Variants in ZNF740 observed in about 807,000 individuals in gnomAD.
The protein encoded by ZNF740 is zinc finger protein 740.
In ZNF740, 14 loss-of-function variants were observed where a neutral mutation model predicts 24.8. That is an observed-to-expected ratio of 0.56 (90% CI 0.37 to 0.88). ZNF740 has a LOEUF of 0.88. Among genes scored for constraint, ZNF740 ranks in the 40% least tolerant of loss-of-function variants. The pLI is 0.00. For missense variants in ZNF740, 201 were observed against 247.9 expected, an observed-to-expected ratio of 0.81 and a Z score of 1.27; for synonymous variants, 69 against 84.0, an observed-to-expected ratio of 0.82 and a Z score of 0.98.
rs752378256 is a variant in ZNF740, at chr12:53,191,896, C to T, written c.*4306C>T. On this transcript the variant is annotated 3_prime_UTR_variant, in exon 7 of 7. Coordinates refer to ENST00000416904, the MANE Select transcript of ZNF740 (RefSeq NM_001004304.4). ...GAGTTGTTGCTGCTCCTTCTCAAAG[C>T]GACTGTATTCCCGGCGGTCATAGAT... 9 of 1,612,966 alleles carry T rather than the reference C, an allele frequency of 5.6e-6. No individual in the cohort carries two copies. Among genetic ancestry groups the T allele is most frequent in the South Asian group, 2.2e-5 (2 of 91,070 alleles).
rs551444653 is a variant in ZNF740 at position 53,180,972 on chromosome 12, C to A, written c.-308+135C>A. On this transcript the variant is annotated intron_variant, in intron 1 of 6. Coordinates refer to ENST00000416904, the MANE Select transcript of ZNF740 (RefSeq NM_001004304.4). ...GCGCGTGGCGAAGGGAGGGGGATCTCCGGGGGAGGGAGGGGAAAGGCCGTG... is the reference window on the plus strand; with the variant it reads ...GCGCGTGGCGAAGGGAGGGGGATCTACGGGGGAGGGAGGGGAAAGGCCGTG... 5,128 of 635,060 alleles carry A rather than the reference C, an allele frequency of 8.1e-3. 70 individuals carry two copies. The highest frequency in any genetic ancestry group is 0.012 in the Admixed American group (186 of 15,552). 39.3% of individuals were successfully genotyped at this position (635,060 alleles called of 1,614,324 possible).
intron 5 of ZNF740, 71 bp downstream of exon 5, chr12:53,186,148 C>T (rs1941816556): frequency 6.4e-7 from 1 of 1,553,658 alleles, no homozygotes; most frequent in African/African-American, 1.4e-5. Context: ...GTTTGTGGCT[C>T]TAGTTGGGTT....
In ZNF740 at chr12:53,181,812, G is replaced by C. The variant is rs114623004; in HGVS notation, c.-172G>C. On this transcript the variant is annotated 5_prime_UTR_variant, in exon 2 of 7. Coordinates refer to ENST00000416904, the MANE Select transcript of ZNF740 (RefSeq NM_001004304.4). The stretch of plus-strand genomic sequence containing the variant: ...TTCTTGGAACACCTATCTTTTCTTC[G>C]GAGGACACTAAGTTCTATTTGAAGA... 1.3e-6 allele frequency: 1 copy of C among 790,446 alleles called. No homozygotes were observed. Among genetic ancestry groups the C allele is most frequent in the Non-Finnish European group, 2.0e-6 (1 of 501,512 alleles). The allele number at this position is 790,446 out of a possible 1,614,324, so 49.0% of individuals were successfully genotyped here.
At position 53,189,780 on chromosome 12, in the gene ZNF740, T is replaced by A. The variant is rs1404529015; in HGVS notation, c.*2190T>A. On this transcript the variant is annotated 3_prime_UTR_variant, in exon 7 of 7. Transcript: ENST00000416904. ...TCCTGTCCTTCACTTCTGGGATGAT[T>A]CACCCCACATCTTCCAGTACCCTGT... is the stretch of plus-strand genomic sequence containing the variant. 3.3e-5 allele frequency: 5 copies of A among 152,312 alleles called. No homozygotes were observed. The East Asian group carries it at 9.6e-4, about 29-fold the overall frequency. The allele number at this position is 152,312 out of a possible 1,614,324, so 9.4% of individuals were successfully genotyped here.
Position 53,181,508 on chromosome 12 carries a change from G to A in ZNF740, c.-307-169G>A, listed in dbSNP as rs35468134. 3,062 of 985,048 alleles carry A rather than the reference G, an allele frequency of 3.1e-3. 9 individuals carry two copies. The highest frequency in any genetic ancestry group is 3.4e-3 in the Non-Finnish European group (2,843 of 829,686). 61.0% of individuals were successfully genotyped at this position (985,048 alleles called of 1,614,324 possible). A position where few individuals can be genotyped will look rare whatever the true frequency, so the allele number is the denominator to read the frequency against. On this transcript the variant is annotated intron_variant, in intron 1 of 6. Coordinates refer to ENST00000416904, the MANE Select transcript of ZNF740 (RefSeq NM_001004304.4). ...TTGCTCCTGTTGGCTTCCACTCCTT[G>A]CCCAGGAGACCAGTTCCTCCTATTG...
At chr12:53,185,608 C>G in intron 4 of ZNF740, 132 bp downstream of exon 4, 1 of 818,670 alleles carries the variant, frequency 1.2e-6, no homozygotes, top group Non-Finnish European at 1.9e-6. Flanking sequence ...AGTGAGTCCC[C>G]CAGATTTCAT....
At position 53,187,481 on chromosome 12, in the gene ZNF740, A is replaced by G; in HGVS notation, c.493-20A>G. The G allele has an allele frequency of 6.2e-7, 1 of 1,611,118 alleles. No individual in the cohort carries two copies. Among genetic ancestry groups the G allele is most frequent in the Non-Finnish European group, 8.5e-7 (1 of 1,177,470 alleles). ...GCTGCGTTTGTCTGCTCAGGCACTTAACCCTCCCTTTCTTCTCAGTGTTTT... is the reference window on the plus strand; with the variant it reads ...GCTGCGTTTGTCTGCTCAGGCACTTGACCCTCCCTTTCTTCTCAGTGTTTT... On this transcript the variant is annotated intron_variant, in intron 6 of 6. Coordinates refer to ENST00000416904, the MANE Select transcript of ZNF740 (RefSeq NM_001004304.4).
rs926770238 is a variant in ZNF740, at chr12:53,191,969, C to G, written c.*4379C>G. 16 of 1,612,402 alleles carry G rather than the reference C, an allele frequency of 9.9e-6. No individual in the cohort carries two copies. Among genetic ancestry groups the G allele is most frequent in the Non-Finnish European group, 1.3e-5 (15 of 1,179,990 alleles). On this transcript the variant is annotated 3_prime_UTR_variant, in exon 7 of 7. Coordinates refer to ENST00000416904, the MANE Select transcript of ZNF740 (RefSeq NM_001004304.4). Reference sequence around the variant, plus strand: ...AGGACCAGCCCCAGCCCCACTGCCACGATGCCCCCTACGCAGCCCAGCACA... The same window carrying G: ...AGGACCAGCCCCAGCCCCACTGCCAGGATGCCCCCTACGCAGCCCAGCACA...
At position 53,193,204 on chromosome 12, in the gene ZNF740, G is replaced by T; in HGVS notation, c.*5614G>T. The T allele has an allele frequency of 6.2e-7, 1 of 1,614,116 alleles. No homozygotes were observed. Among genetic ancestry groups the T allele is most frequent in the Non-Finnish European group, 8.5e-7 (1 of 1,180,016 alleles). On this transcript the variant is annotated 3_prime_UTR_variant, in exon 7 of 7. Transcript: ENST00000416904. ...CGTCACACTCGCACAGATGCCCAGA[G>T]CTCTGTCCACTGCAGCTGCAGCGTC...
Position 53,181,819 on chromosome 12 carries a change from A to G in ZNF740, c.-165A>G, listed in dbSNP as rs1941655984. 2.4e-6 allele frequency: 2 copies of G among 842,156 alleles called. No individual in the cohort carries two copies. The highest frequency in any genetic ancestry group is 3.7e-6 in the Non-Finnish European group (2 of 540,804). The allele number at this position is 842,156 out of a possible 1,614,324, so 52.2% of individuals were successfully genotyped here. A position where few individuals can be genotyped will look rare whatever the true frequency, so the allele number is the denominator to read the frequency against. ...AACACCTATCTTTTCTTCGGAGGAC[A>G]CTAAGTTCTATTTGAAGACAAAGTT... On this transcript the variant is annotated 5_prime_UTR_variant, in exon 2 of 7. Transcript: ENST00000416904.
At chr12:53,182,099 C>G in intron 2 of ZNF740, 107 bp downstream of exon 2, 1 of 1,475,008 alleles carries the variant, frequency 6.8e-7, no homozygotes, top group Non-Finnish European at 9.3e-7. Flanking sequence ...GTGATCCAAG[C>G]TCTGTATTAA....
chr12:53,183,281 A>G (rs773885307), intron 2 of ZNF740, among the ~76,000 whole-genome samples: 32 of 152,230 alleles, frequency 2.1e-4, no homozygotes, highest in Admixed American at 5.2e-4. Context: ...GCATTATGAC[A>G]GGCATTTTTC....
chr12:53,181,371 A>T (rs1941622000), intron 1 of ZNF740: 1 of 985,286 alleles, frequency 1.0e-6, no homozygotes, highest in African/African-American at 1.7e-5. Flanking sequence ...GGGCCGGCCC[A>T]CTGGGCACAA....
chr12:53,181,752 C>A lies in ZNF740; in HGVS notation c.-232C>A. On this transcript the variant is annotated 5_prime_UTR_variant, in exon 2 of 7. Coordinates refer to ENST00000416904, the MANE Select transcript of ZNF740 (RefSeq NM_001004304.4). ...AAGACTGGTAGACTCTCTTTTTCTT[C>A]AGACAATAGGCAGGAGCCAGGCAGA... 1.8e-6 allele frequency: 1 copy of A among 570,944 alleles called. No individual in the cohort carries two copies. Among genetic ancestry groups the A allele is most frequent in the Non-Finnish European group, 3.0e-6 (1 of 338,858 alleles). The allele number at this position is 570,944 out of a possible 1,614,324, so 35.4% of individuals were successfully genotyped here.
rs754266020 is a variant in ZNF740 at position 53,186,019 on chromosome 12, C to T, written c.315C>T (p.His105=). 8 of 1,613,834 alleles carry T rather than the reference C, an allele frequency of 5.0e-6. No homozygotes were observed. The South Asian group carries it at 7.7e-5, about 16-fold the overall frequency. ...VKIPKNFVCE[H]CFGAFRSSYH... ...TTCCCAAAAATTTTGTTTGTGAACA[C>T]TGCTTTGGAGCCTTTCGGAGCAGTT... Residue 105 remains histidine (H), a synonymous_variant, in exon 5 of 7, where the codon CAC becomes CAT. Transcript: ENST00000416904.
In ZNF740 at chr12:53,192,060, A is replaced by G. The variant is rs1941974197; in HGVS notation, c.*4470A>G. 2 of 1,596,596 alleles carry G rather than the reference A, an allele frequency of 1.3e-6. No homozygotes were observed. The highest frequency in any genetic ancestry group is 1.1e-5 in the South Asian group (1 of 90,062). ...CAGACACACTTGTGGGAGCTGGAGC[A>G]TAGGGACAGATCATCAGTTGCTCAC... is the stretch of plus-strand genomic sequence containing the variant. On this transcript the variant is annotated 3_prime_UTR_variant, in exon 7 of 7. Transcript: ENST00000416904.
rs1429644455 is a variant in ZNF740, at chr12:53,191,460, C to T, written c.*3870C>T. The T allele has an allele frequency of 1.7e-5, 16 of 962,800 alleles. No individual in the cohort carries two copies. The highest frequency in any genetic ancestry group is 2.5e-5 in the Non-Finnish European group (15 of 589,952). 59.6% of individuals were successfully genotyped at this position (962,800 alleles called of 1,614,324 possible). On this transcript the variant is annotated 3_prime_UTR_variant, in exon 7 of 7. Transcript: ENST00000416904. ...GGCCGCACCTCGCCAGTGAATTAGT[C>T]CCCTACCAAGGTCTTACAGACCCAC...
In ZNF740 at chr12:53,185,949, C is replaced by T. The variant is rs1245376784; in HGVS notation, c.250-5C>T. 1 of 1,613,452 alleles carries T rather than the reference C, an allele frequency of 6.2e-7. No individual in the cohort carries two copies. On this transcript the variant is annotated splice_polypyrimidine_tract_variant and splice_region_variant and intron_variant, in intron 4 of 6. Transcript: ENST00000416904. ...CCTCATGACATGCCTGATTATTGCC[C>T]CCAGGTGGTGGTAGTGGAACAAAAT... is the stretch of plus-strand genomic sequence containing the variant.
Position 53,194,537 on chromosome 12 carries a change from C to T in ZNF740, c.*6947C>T. On this transcript the variant is annotated 3_prime_UTR_variant, in exon 7 of 7. Coordinates refer to ENST00000416904, the MANE Select transcript of ZNF740 (RefSeq NM_001004304.4). Reference sequence around the variant, plus strand: ...AACCTTGCATAGAACATACAGGATCCAGAGGCCTCTAATACAGCATTTCAG... The same window carrying T: ...AACCTTGCATAGAACATACAGGATCTAGAGGCCTCTAATACAGCATTTCAG... 1.8e-6 allele frequency: 1 copy of T among 564,230 alleles called. No homozygotes were observed. The highest frequency in any genetic ancestry group is 3.2e-6 in the Non-Finnish European group (1 of 315,618). The allele number at this position is 564,230 out of a possible 1,614,324, so 35.0% of individuals were successfully genotyped here. A position where few individuals can be genotyped will look rare whatever the true frequency, so the allele number is the denominator to read the frequency against.
Sources: gnomAD v4.1 joint callset for allele counts (sites outside exome capture counted in the v4.1 genomes callset) on GRCh38, gnomAD v4.1.1 for gene constraint, MANE v1.5 for transcripts, NCBI Gene and HGNC (gene_info 2026-07-23, HGNC 2026-07-21) for gene names.